The following SLC8A1 variants were observed in gnomAD, a reference collection of about 807,000 sequenced individuals.
The protein encoded by SLC8A1 is sodium/calcium exchanger 1.
In SLC8A1, 18 loss-of-function variants were observed where a neutral mutation model predicts 68.3. The ratio of observed to expected loss-of-function variants is 0.26; its 90% CI spans 0.18 to 0.39. The LOEUF is 0.39. Ranked by LOEUF, SLC8A1 falls within the 10% of genes least tolerant of loss-of-function variation. The probability of loss-of-function intolerance (pLI) is 1.00; values close to 1 mark genes in which losing one functional copy is unlikely to be tolerated. For synonymous variants in SLC8A1, 475 were observed against 415.5 expected, an observed-to-expected ratio of 1.14 and a Z score of -1.74; for missense variants, 985 against 1,156.7, an observed-to-expected ratio of 0.85 and a Z score of 2.15.
intron 2 of SLC8A1, among the ~76,000 whole-genome samples, chr2:40,297,555 T>G (rs763884350): frequency 6.6e-6 from 1 of 152,230 alleles, no homozygotes. Context: ...CATCTTGAGA[T>G]AAAACATTGT....
chr2:40,120,712 C>G (rs1329142160), intron 7 of SLC8A1: 2 of 152,154 alleles, frequency 1.3e-5, no homozygotes, highest in Non-Finnish European at 2.9e-5. Flanking sequence ...AGGAAAATCT[C>G]AAGACCTGAA....
At chr2:40,127,838 G>A (rs2038471906) in intron 7 of SLC8A1, among the ~76,000 whole-genome samples, 1 of 152,162 alleles carries the variant, frequency 6.6e-6, no homozygotes, top group South Asian at 2.1e-4. Flanking sequence ...ACCAAAATAA[G>A]CTGTTTTCTC....
At chr2:40,389,840 A>G (rs1020510587) in intron 2 of SLC8A1, among the ~76,000 whole-genome samples, 1 of 147,622 alleles carries the variant, frequency 6.8e-6, no homozygotes, top group Non-Finnish European at 1.5e-5. Flanking sequence ...TATGATATAT[A>G]TATCATATAT....
intron 2 of SLC8A1, among the ~76,000 whole-genome samples, chr2:40,210,915 GC>G (rs2148774710): frequency 6.6e-6 from 1 of 152,248 alleles, no homozygotes; most frequent in African/African-American, 2.4e-5. Context: ...ACATCATAAG[GC>G]TACATGCAAT....
intron 1 of SLC8A1, among the ~76,000 whole-genome samples, chr2:40,500,795 C>CTTTTTTTTTTTTTTTTTTTTTTTTT (rs1191619172): frequency 2.7e-5 from 1 of 37,230 alleles, no homozygotes; most frequent in African/African-American, 9.3e-5. Flanking sequence ...TATCATCTGA[C>CTTTTTTTTTTTTTTTTTTTTTTTTT]TTTTTTTTTT....
rs2064881287 is a variant in SLC8A1 at position 40,262,820 on chromosome 2, G to C, written c.1809-84965C>G. Among the ~76,000 whole-genome samples, 3 of 152,102 alleles carry C rather than the reference G, an allele frequency of 2.0e-5. 1 individual carries two copies. The highest frequency in any genetic ancestry group is 1.5e-5 in the Non-Finnish European group (1 of 68,032). ...CAAATGATACAGATATTATATGAGA[G>C]AGTTGCTAAAATTTGGATCATATTT... is the stretch of plus-strand genomic sequence containing the variant. On this transcript the variant is annotated intron_variant, in intron 2 of 7. Coordinates refer to ENST00000406785, the Ensembl canonical transcript of SLC8A1.
intron 2 of SLC8A1, chr2:40,254,353 A>C (rs1339997360): frequency 6.7e-6 from 1 of 148,580 alleles, no homozygotes; most frequent in East Asian, 1.9e-4. Flanking sequence ...TGAATTAATA[A>C]CATATCCTTT....
At chr2:40,212,426 AG>A (rs2056779144) in intron 2 of SLC8A1, among the ~76,000 whole-genome samples, 1 of 152,090 alleles carries the variant, frequency 6.6e-6, no homozygotes, top group South Asian at 2.1e-4. Context: ...CTGGGACTAC[AG>A]GTGTATGCCA....
chr2:40,493,349 G>C (rs1705453245), intron 1 of SLC8A1, among the ~76,000 whole-genome samples: 1 of 126,894 alleles, frequency 7.9e-6, no homozygotes, highest in Non-Finnish European at 1.6e-5. Context: ...CTGTTGTGGG[G>C]TGGGGGGGAG....
exon 8 of SLC8A1, chr2:40,109,448 A>ATT (rs2034425791): frequency 6.6e-6 from 1 of 152,210 alleles, no homozygotes; most frequent in Non-Finnish European, 1.5e-5. Context: ...GGTATAAAAT[A>ATT]AACAACACTA....
At position 40,215,419 on chromosome 2, in the gene SLC8A1, T is replaced by C. The variant is rs564671173; in HGVS notation, c.1809-37564A>G. On this transcript the variant is annotated intron_variant, in intron 2 of 7. Transcript: ENST00000406785. ...TTGGGAGGCCGAGGCGGGTGGATCA[T>C]GAGGTCAGGAGATCGAGACCATCCT... Among the ~76,000 whole-genome samples, 139 of 151,848 alleles carry C rather than the reference T, an allele frequency of 9.2e-4. 1 individual carries two copies. The highest frequency in any genetic ancestry group is 3.2e-3 in the African/African-American group (131 of 41,424).
chr2:40,327,882 T>A (rs1057249398), intron 2 of SLC8A1, among the ~76,000 whole-genome samples: 1 of 151,864 alleles, frequency 6.6e-6, no homozygotes, highest in Non-Finnish European at 1.5e-5. Context: ...AACCTGCACA[T>A]GTACCCCATG....
At chr2:40,475,779 T>C (rs148058502) in intron 1 of SLC8A1, among the ~76,000 whole-genome samples, 1 of 152,228 alleles carries the variant, frequency 6.6e-6, no homozygotes, top group Non-Finnish European at 1.5e-5. Context: ...AGAACTTCCA[T>C]CTTAGAATGA....
At chr2:40,169,395 G>A (rs1049986055) in intron 4 of SLC8A1, among the ~76,000 whole-genome samples, 6 of 152,312 alleles carry the variant, frequency 3.9e-5, no homozygotes, top group South Asian at 4.1e-4. Context: ...TTTTTAGCAT[G>A]TGGCTGGCCT....
chr2:40,210,346 T>C (rs899964540), intron 2 of SLC8A1, among the ~76,000 whole-genome samples: 4 of 152,170 alleles, frequency 2.6e-5, no homozygotes, highest in Admixed American at 1.3e-4. Flanking sequence ...ACTGAACTCA[T>C]AGCTCTTTGC....
chr2:40,459,203 G>A (rs1008396084), intron 1 of SLC8A1, among the ~76,000 whole-genome samples: 1 of 152,268 alleles, frequency 6.6e-6, no homozygotes, highest in Middle Eastern at 3.4e-3. Context: ...GTCATATGGA[G>A]AAACTGCTAT....
At chr2:40,421,016 T>A (rs113187576) in intron 2 of SLC8A1, among the ~76,000 whole-genome samples, 1,544 of 152,192 alleles carry the variant, frequency 0.01, 22 homozygotes, top group African/African-American at 0.035. Flanking sequence ...ACGGATACTT[T>A]AAGAATAGCA....
intron 5 of SLC8A1, among the ~76,000 whole-genome samples, chr2:40,162,672 G>A (rs2045891900): frequency 6.6e-6 from 1 of 152,174 alleles, no homozygotes; most frequent in South Asian, 2.1e-4. Flanking sequence ...AAAAATGGGA[G>A]TGAATAAAGA....
chr2:40,128,009 T>G (rs1433363785), intron 7 of SLC8A1, among the ~76,000 whole-genome samples: 2 of 152,116 alleles, frequency 1.3e-5, no homozygotes, highest in Non-Finnish European at 2.9e-5. Flanking sequence ...TGAATCAGAG[T>G]ATAAACAAGT....
Sources: gnomAD v4.1 joint callset for allele counts (sites outside exome capture counted in the v4.1 genomes callset) on GRCh38, gnomAD v4.1.1 for gene constraint, MANE v1.5 for transcripts, NCBI Gene and HGNC (gene_info 2026-07-23, HGNC 2026-07-21) for gene names.